The following IQCM variants were observed in gnomAD, a reference collection of about 807,000 sequenced individuals.
IQCM encodes IQ domain-containing protein M.
IQCM carries 45 observed loss-of-function variants against 57.6 expected under a neutral mutation model. The observed-to-expected ratio is 0.78, with a 90% CI of 0.62 to 1.00. The LOEUF (loss-of-function observed/expected upper bound fraction) is 1.00. Ranked by LOEUF, IQCM falls within the 50% of genes least tolerant of loss-of-function variation. The pLI, the probability that IQCM is intolerant of heterozygous loss-of-function variation, is 0.00. For missense variants in IQCM, 468 were observed against 511.6 expected (o/e 0.91, Z 0.82); for synonymous variants, 148 against 158.9 (o/e 0.93, Z 0.51).
At chr4:149,795,948 C>G (rs1773070485) in intron 2 of IQCM, among the ~76,000 whole-genome samples, 1 of 152,180 alleles carries the variant, frequency 6.6e-6, no homozygotes, top group Non-Finnish European at 1.5e-5. Flanking sequence ...CATTGAGGGT[C>G]TTGAGTGAGA....
chr4:149,766,841 G>C (rs1352797777), intron 2 of IQCM, among the ~76,000 whole-genome samples: 1 of 151,958 alleles, frequency 6.6e-6, no homozygotes, highest in African/African-American at 2.4e-5. Flanking sequence ...TGGCTCTCAG[G>C]CTTTCAGGTT....
chr4:149,635,259 G>C (rs1757622317), intron 7 of IQCM, among the ~76,000 whole-genome samples: 1 of 152,114 alleles, frequency 6.6e-6, no homozygotes, highest in Non-Finnish European at 1.5e-5. Context: ...ATCCTCACAG[G>C]GTGACTGTTG....
chr4:149,599,427 G>A lies in IQCM; in HGVS notation c.682-11430C>T, dbSNP rs140946065. ...GTGCTAAAATTGTATGGAAATGTAA[G>A]AGAATCATTAACATAAAATTAAGGA... On this transcript the variant is annotated intron_variant, in intron 8 of 13. Transcript: ENST00000636793. 3.6e-3 allele frequency among the ~76,000 whole-genome samples: 552 copies of A among 152,204 alleles called. 5 individuals carry two copies. The highest frequency in any genetic ancestry group is 0.015 in the South Asian group (74 of 4,832).
chr4:149,774,853 A>C (rs889195354), intron 2 of IQCM, among the ~76,000 whole-genome samples: 2 of 151,848 alleles, frequency 1.3e-5, no homozygotes, highest in Non-Finnish European at 2.9e-5. Context: ...TATATAAAAG[A>C]GAAGATAGAA....
chr4:149,591,815 G>A (rs896877138), intron 8 of IQCM, among the ~76,000 whole-genome samples: 2 of 152,098 alleles, frequency 1.3e-5, no homozygotes, highest in Admixed American at 6.6e-5. Flanking sequence ...GTATTCCATG[G>A]TGTATATGTG....
At chr4:149,374,095 A>C (rs1730546221) in intron 13 of IQCM, among the ~76,000 whole-genome samples, 1 of 152,130 alleles carries the variant, frequency 6.6e-6, no homozygotes. Flanking sequence ...GATTTTGAGG[A>C]TCCCCACCTG....
chr4:149,702,528 A>G (rs773468639), intron 5 of IQCM, among the ~76,000 whole-genome samples: 2 of 151,936 alleles, frequency 1.3e-5, no homozygotes, highest in African/African-American at 2.4e-5. Flanking sequence ...GTAAAGAGTC[A>G]TCCTTTTCCT....
intron 4 of IQCM, 135 bp downstream of exon 4, chr4:149,735,241 T>G: frequency 2.3e-6 from 1 of 425,760 alleles, no homozygotes; most frequent in Non-Finnish European, 3.9e-6. Context: ...TAGTGAGCAT[T>G]TCATTTTTCT....
chr4:149,627,121 A>T (rs1756880937), intron 7 of IQCM, among the ~76,000 whole-genome samples: 1 of 152,176 alleles, frequency 6.6e-6, no homozygotes, highest in Admixed American at 6.5e-5. Flanking sequence ...GAAAGGAAAG[A>T]GTTCTGTGTG....
At chr4:149,405,855 C>T (rs1348678140) in intron 13 of IQCM, among the ~76,000 whole-genome samples, 3 of 137,248 alleles carry the variant, frequency 2.2e-5, no homozygotes, top group Non-Finnish European at 4.6e-5. Flanking sequence ...ATATATGCTC[C>T]AGATATATCT....
At chr4:149,571,182 A>AACTGCACCACCGTGCTC (rs1378294971) in intron 9 of IQCM, among the ~76,000 whole-genome samples, 1 of 152,116 alleles carries the variant, frequency 6.6e-6, no homozygotes, top group Non-Finnish European at 1.5e-5. Flanking sequence ...TGTCAGAGAT[A>AACTGCACCACCGTGCTC]ACTGCACCAC....
chr4:149,592,772 G>T (rs989759045), intron 8 of IQCM, among the ~76,000 whole-genome samples: 7 of 151,764 alleles, frequency 4.6e-5, no homozygotes, highest in South Asian at 2.1e-4. Flanking sequence ...GTTGTAGATG[G>T]GTGGTATTAT....
intron 5 of IQCM, among the ~76,000 whole-genome samples, chr4:149,722,826 A>C (rs189359247): frequency 3.8e-4 from 58 of 151,938 alleles, no homozygotes; most frequent in Non-Finnish European, 6.9e-4. Flanking sequence ...TTCTGTGGGA[A>C]AAAAAAGATA....
chr4:149,446,204 T>C (rs1436510797), intron 12 of IQCM, among the ~76,000 whole-genome samples: 1 of 151,746 alleles, frequency 6.6e-6, no homozygotes, highest in Non-Finnish European at 1.5e-5. Flanking sequence ...TGGAATAAGC[T>C]GTTCACACTC....
intron 5 of IQCM, among the ~76,000 whole-genome samples, chr4:149,692,439 A>C (rs1042051764): frequency 1.3e-5 from 2 of 152,148 alleles, no homozygotes; most frequent in African/African-American, 4.8e-5. Flanking sequence ...TATTTTTTAA[A>C]TCTTTATAAT....
At position 149,661,504 on chromosome 4, in the gene IQCM, T is replaced by C. The variant is rs565521432; in HGVS notation, c.565+20614A>G. On this transcript the variant is annotated intron_variant, in intron 7 of 13. Transcript: ENST00000636793. ...TGAAAGTATTCTCTCCTCGAGTTTA[T>C]AGAAGAGTTGAAGGAGCATTGGTTT... 4.6e-5 allele frequency among the ~76,000 whole-genome samples: 7 copies of C among 152,290 alleles called. No individual in the cohort carries two copies. In the South Asian group the frequency reaches 1.2e-3, roughly 27 times the overall value.
At chr4:149,632,573 T>C (rs1205043596) in intron 7 of IQCM, among the ~76,000 whole-genome samples, 1 of 152,112 alleles carries the variant, frequency 6.6e-6, no homozygotes, top group African/African-American at 2.4e-5. Context: ...ATGTAATACA[T>C]TCAAAAGAGG....
chr4:149,526,834 T>G (rs1359235324), intron 12 of IQCM, among the ~76,000 whole-genome samples: 1 of 152,150 alleles, frequency 6.6e-6, no homozygotes, highest in Non-Finnish European at 1.5e-5. Flanking sequence ...ATAATTTTTA[T>G]TTTGTTGTTG....
At chr4:149,458,697 G>T (rs2149706632) in intron 12 of IQCM, among the ~76,000 whole-genome samples, 1 of 152,096 alleles carries the variant, frequency 6.6e-6, no homozygotes, top group African/African-American at 2.4e-5. Flanking sequence ...TTAGTTTGTT[G>T]TCTTAAACGT....
Sources: allele counts gnomAD v4.1 joint callset (sites outside exome capture counted in the v4.1 genomes callset), GRCh38; gene constraint gnomAD v4.1.1; transcripts MANE v1.5; gene names NCBI Gene and HGNC (gene_info 2026-07-23, HGNC 2026-07-21).